WDFY4: variants seen among roughly 807,000 people sequenced by gnomAD.
WDFY4 encodes the protein WDFY family member 4, also known as WD repeat- and FYVE domain-containing protein 4.
Under a neutral mutation model 351.9 loss-of-function variants are expected in WDFY4, and 169 were observed. The observed-to-expected ratio is 0.48, with a 90% CI of 0.42 to 0.55. The LOEUF (loss-of-function observed/expected upper bound fraction) is 0.55, where lower values mean the gene tolerates loss of function less well. WDFY4 is among the 20% of genes least tolerant of loss of function. The pLI, the probability that WDFY4 is intolerant of heterozygous loss-of-function variation, is 0.00. For synonymous variants in WDFY4, 1,622 were observed against 1,574.6 expected (o/e 1.03, Z -0.71); for missense variants, 3,803 against 3,935.6 (o/e 0.97, Z 0.90).
intron 22 of WDFY4, 40 bp from the exon 23 acceptor site, chr10:48,790,687 C>G: frequency 6.5e-7 from 1 of 1,539,444 alleles, no homozygotes; most frequent in Non-Finnish European, 8.8e-7. Context: ...TGCAATGAAG[C>G]TGTGACATGT....
At chr10:48,862,015 C>T (rs2069361968) in intron 39 of WDFY4, among the ~76,000 whole-genome samples, 1 of 152,110 alleles carries the variant, frequency 6.6e-6, no homozygotes, top group Non-Finnish European at 1.5e-5. Flanking sequence ...TTCTATTTAT[C>T]TGATAAGGTG....
intron 39 of WDFY4, among the ~76,000 whole-genome samples, chr10:48,862,394 G>A (rs969491982): frequency 6.6e-6 from 1 of 152,132 alleles, no homozygotes; most frequent in Non-Finnish European, 1.5e-5. Context: ...TCTGAGCCCT[G>A]CCTCCTGTCA....
intron 1 of WDFY4, among the ~76,000 whole-genome samples, chr10:48,703,312 G>A (rs17771318): frequency 0.029 from 4,436 of 152,224 alleles, 96 homozygotes; most frequent in Non-Finnish European, 0.042. Context: ...GATCATTTAC[G>A]GCCATGCATG....
intron 12 of WDFY4, among the ~76,000 whole-genome samples, chr10:48,757,352 AATC>A (rs1276189252): frequency 6.6e-6 from 1 of 152,064 alleles, no homozygotes; most frequent in Non-Finnish European, 1.5e-5. Flanking sequence ...TGTCTCTTTT[AATC>A]ATCATATCAT....
In WDFY4 at chr10:48,778,724, C is replaced by T. The variant is rs181223191; in HGVS notation, c.3289C>T (p.Arg1097Cys). The T allele has an allele frequency of 7.7e-6, 12 of 1,551,516 alleles. No homozygotes were observed. Among genetic ancestry groups the T allele is most frequent in the East Asian group, 2.4e-5 (1 of 40,932 alleles). Residue 1097 changes from arginine (R) to cysteine (C), a missense_variant, in exon 18 of 62, where the codon CGC (arginine) becomes TGC (cysteine). Arg to Cys is a radical substitution (Grantham distance 180). Transcript: ENST00000325239. ...CCCGCTGCGCTTCCTGACGTTGGTG[C>T]GCCACCTGGCCAGGACTGAGCAACC... ...GHPLRFLTLV[R>C]HLARTEQPFV...
intron 39 of WDFY4, among the ~76,000 whole-genome samples, chr10:48,852,579 A>G (rs2068993151): frequency 6.6e-6 from 1 of 152,174 alleles, no homozygotes; most frequent in Non-Finnish European, 1.5e-5. Context: ...TCTGTTCAAG[A>G]TGCTGCTCAG....
rs765388376 is a variant in WDFY4, at chr10:48,820,278, C to T, written c.5550C>T (p.Ala1850=). The T allele has an allele frequency of 1.2e-5, 19 of 1,551,516 alleles. No individual in the cohort carries two copies. Among genetic ancestry groups the T allele is most frequent in the African/African-American group, 6.8e-5 (5 of 73,026 alleles). The change falls in exon 33 of 62, where the codon GCC becomes GCT. Residue 1850 remains alanine (A), a synonymous_variant. Coordinates refer to ENST00000325239, the MANE Select transcript of WDFY4 (RefSeq NM_001394531.1). The part of the protein sequence containing the change: ...ESTRNTSSPE[A]AAEGDSTVEG... ...CCCGGAACACCAGCAGTCCTGAGGC[C>T]GCAGCTGAAGGCGACAGCACAGTGG...
chr10:48,779,092 T>G (rs934765643), intron 18 of WDFY4, among the ~76,000 whole-genome samples: 1 of 152,228 alleles, frequency 6.6e-6, no homozygotes, highest in African/African-American at 2.4e-5. Flanking sequence ...TGATGCTCAG[T>G]GGCTTTTCAG....
intron 60 of WDFY4, chr10:48,978,651 C>T: frequency 2.4e-6 from 1 of 418,398 alleles, no homozygotes; most frequent in Non-Finnish European, 4.3e-6. Flanking sequence ...CCATCACCAA[C>T]CCCTCCATAA....
chr10:48,775,221 G>A (rs2065992278), intron 14 of WDFY4, among the ~76,000 whole-genome samples: 1 of 152,178 alleles, frequency 6.6e-6, no homozygotes, highest in South Asian at 2.1e-4. Flanking sequence ...AGACAAGAGA[G>A]CAGAGGGAAG....
intron 39 of WDFY4, among the ~76,000 whole-genome samples, chr10:48,846,224 G>T (rs2068771313): frequency 6.6e-6 from 1 of 152,286 alleles, no homozygotes; most frequent in Non-Finnish European, 1.5e-5. Context: ...TGGCATCTTT[G>T]CTCCAGGCAG....
At chr10:48,775,948 A>G in intron 15 of WDFY4, 142 bp downstream of exon 15, 1 of 742,280 alleles carries the variant, frequency 1.3e-6, no homozygotes, top group East Asian at 2.7e-5. Context: ...GCAACTGAGG[A>G]AAAAGCAAAG....
At chr10:48,710,156 C>T (rs554298058) in intron 2 of WDFY4, among the ~76,000 whole-genome samples, 190 bp downstream of exon 2, 1 of 152,298 alleles carries the variant, frequency 6.6e-6, no homozygotes, top group African/African-American at 2.4e-5. Flanking sequence ...TTAGATGCAA[C>T]AGACTTATTT....
intron 47 of WDFY4, among the ~76,000 whole-genome samples, chr10:48,927,083 A>G (rs1004027233): frequency 1.3e-5 from 2 of 152,196 alleles, no homozygotes; most frequent in African/African-American, 2.4e-5. Context: ...GTGCCCCTGT[A>G]TCAGGGGCGG....
intron 52 of WDFY4, among the ~76,000 whole-genome samples, chr10:48,957,610 C>T (rs527400068): frequency 1.3e-5 from 2 of 152,326 alleles, no homozygotes; most frequent in Non-Finnish European, 2.9e-5. Context: ...CTTTCTGCCT[C>T]GAGACCTTGG....
chr10:48,938,171 G>A (rs1840512018), intron 47 of WDFY4, among the ~76,000 whole-genome samples: 1 of 152,212 alleles, frequency 6.6e-6, no homozygotes, highest in Admixed American at 6.5e-5. Context: ...ATTTTACCAT[G>A]TCCTCAAAAC....
chr10:48,863,248 T>G (rs955545093), intron 39 of WDFY4, among the ~76,000 whole-genome samples: 11 of 152,250 alleles, frequency 7.2e-5, no homozygotes, highest in Non-Finnish European at 1.5e-4. Context: ...ACACTTTATT[T>G]AATCATTTGA....
intron 47 of WDFY4, among the ~76,000 whole-genome samples, chr10:48,922,334 T>C (rs1839157046): frequency 6.6e-6 from 1 of 152,232 alleles, no homozygotes; most frequent in Non-Finnish European, 1.5e-5. Flanking sequence ...ACTTAGTAGC[T>C]GTCCTAGTAG....
At chr10:48,883,158 G>A (rs1483988795) in intron 43 of WDFY4, among the ~76,000 whole-genome samples, 1 of 152,204 alleles carries the variant, frequency 6.6e-6, no homozygotes, top group Non-Finnish European at 1.5e-5. Flanking sequence ...GTGCAAGGAG[G>A]CCTTCAGGTC....
Sources: allele counts gnomAD v4.1 joint callset (sites outside exome capture counted in the v4.1 genomes callset), GRCh38; gene constraint gnomAD v4.1.1; transcripts MANE v1.5; gene names NCBI Gene and HGNC (gene_info 2026-07-23, HGNC 2026-07-21).